The following LAMA5 variants were observed in gnomAD, a reference collection of about 807,000 sequenced individuals.
LAMA5 encodes laminin subunit alpha 5.
A neutral mutation model predicts 433.4 loss-of-function variants in LAMA5; 260 were observed. The observed-to-expected ratio is 0.60, with a 90% CI of 0.54 to 0.66. The LOEUF (loss-of-function observed/expected upper bound fraction) is 0.66. LAMA5 is among the 30% of genes least tolerant of loss of function. The pLI is 0.00. For synonymous variants in LAMA5, 2,620 were observed against 2,226.6 expected (o/e 1.18, Z -4.97); for missense variants, 5,378 against 5,258.5 (o/e 1.02, Z -0.70).
At chr20:62,364,219 A>G (rs944232744) in intron 1 of LAMA5, among the ~76,000 whole-genome samples, 1 of 152,202 alleles carries the variant, frequency 6.6e-6, no homozygotes, top group South Asian at 2.1e-4. Context: ...CAAGAGCTCA[A>G]TGACAGCACG....
Position 62,333,455 on chromosome 20 carries a change from T to C in LAMA5, c.3048A>G (p.Ala1016=), listed in dbSNP as rs753610896. The C allele has an allele frequency of 6.2e-7, 1 of 1,612,732 alleles. No individual in the cohort carries two copies. The highest frequency in any genetic ancestry group is 8.5e-7 in the Non-Finnish European group (1 of 1,179,900). Residue 1016 remains alanine, a synonymous_variant, in exon 25 of 80, where the codon GCA becomes GCG. Coordinates refer to ENST00000252999, the MANE Select transcript of LAMA5 (RefSeq NM_005560.6). ...LLDYVVLLPS[A]YYEAALLQLR... ...GCTGCAGGAGCGCCGCCTCGTAGTA[T>C]GCGCTAGGCAGCAGAACCACGTAGT...
intron 2 of LAMA5, among the ~76,000 whole-genome samples, chr20:62,357,334 C>G (rs1264046072): frequency 6.6e-6 from 1 of 152,220 alleles, no homozygotes; most frequent in African/African-American, 2.4e-5. Context: ...CTCCTAGCCC[C>G]AGGCGTCCGG....
Position 62,312,452 on chromosome 20 carries a change from A to C in LAMA5, c.9308T>G (p.Leu3103Arg). ...CACGCCTGTCGTGTTCAGCCGCTTG[A>C]GGTCCACATACTTGCCCAGGGCCTT... is the stretch of plus-strand genomic sequence containing the variant. ...GIKALGKYVD[L>R]KRLNTTGVSA... The change falls in exon 68 of 80, where the codon CTC (leucine) becomes CGC (arginine). Residue 3103 changes from leucine (L) to arginine (R), a missense_variant. Transcript: ENST00000252999. The C allele has an allele frequency of 6.3e-7, 1 of 1,598,200 alleles. No individual in the cohort carries two copies. Among genetic ancestry groups the C allele is most frequent in the Non-Finnish European group, 8.5e-7 (1 of 1,179,576 alleles).
In LAMA5 at chr20:62,314,685, T is replaced by C. The variant is rs780241458; in HGVS notation, c.8237A>G (p.Gln2746Arg). ...GGCAAGATCCCGTGGGGTGCGCAGC[T>C]GCACCCCTGAGCGCCCGTTGAACTT... ...PMKFNGRSGV[Q>R]LRTPRDLADL... Residue 2746 changes from glutamine to arginine, a missense_variant, in exon 61 of 80, where the codon CAG (glutamine) becomes CGG (arginine). By Grantham distance (43) the Gln-to-Arg change is conservative. Coordinates refer to ENST00000252999, the MANE Select transcript of LAMA5 (RefSeq NM_005560.6). 3 of 1,612,692 alleles carry C rather than the reference T, an allele frequency of 1.9e-6. No homozygotes were observed. In the South Asian group the frequency reaches 3.3e-5, roughly 18 times the overall value.
In LAMA5 at chr20:62,319,766, T is replaced by C. The variant is rs981626643; in HGVS notation, c.6789A>G (p.Gln2263=). The part of the protein sequence containing the change: ...QAVGTRDQAS[Q]LLAGTEATLG... ...GTGTGGCCTCGGTGCCGGCCAGCAA[T>C]TGGCTCGCCTGGTCTCGGGTCCCCA... The change falls in exon 51 of 80, where the codon CAA becomes CAG. Residue 2263 remains glutamine, a synonymous_variant. Transcript: ENST00000252999. 8 of 1,548,118 alleles carry C rather than the reference T, an allele frequency of 5.2e-6. 1 individual carries two copies. In the Admixed American group the frequency reaches 1.4e-4, roughly 26 times the overall value.
In LAMA5 at chr20:62,323,471, G is replaced by T. The variant is rs996035040; in HGVS notation, c.6049C>A (p.Pro2017Thr). The part of the protein sequence containing the change: ...APGFYGNALL[P>T]GNCTRCDCTP... ...CGACGCCTACGGGTGCAGTTGCCGG[G>T]CAGCAGGGCGTTGCCGTAGAAGCCG... Residue 2017 changes from proline to threonine, a missense_variant, in exon 45 of 80, where the codon CCC becomes ACC. Transcript: ENST00000252999. The T allele has an allele frequency of 1.9e-6, 3 of 1,542,850 alleles. No homozygotes were observed. The highest frequency in any genetic ancestry group is 4.0e-5 in the Admixed American group (2 of 50,626).
At position 62,309,362 on chromosome 20, in the gene LAMA5, C is replaced by A; in HGVS notation, c.11062G>T (p.Gly3688Trp). Reference sequence around the variant, plus strand: ...TAGGCGGCTGGGCAGCCACTGGCCCCCACTGCCCCGTGGACCTCCACAGAG... The same window carrying A: ...TAGGCGGCTGGGCAGCCACTGGCCCACACTGCCCCGTGGACCTCCACAGAG... ...TRSVEVHGAV[G>W]ASGCPAA is the part of the protein sequence containing the mutation. The change falls in exon 80 of 80, where the codon GGG becomes TGG. Residue 3688 changes from glycine to tryptophan, a missense_variant. By Grantham distance (184) the Gly-to-Trp change is radical. Coordinates refer to ENST00000252999, the MANE Select transcript of LAMA5 (RefSeq NM_005560.6). 1 of 1,590,668 alleles carries A rather than the reference C, an allele frequency of 6.3e-7. No homozygotes were observed. Among genetic ancestry groups the A allele is most frequent in the Non-Finnish European group, 8.5e-7 (1 of 1,176,762 alleles).
At position 62,311,936 on chromosome 20, in the gene LAMA5, A is replaced by G. The variant is rs750394896; in HGVS notation, c.9619T>C (p.Tyr3207His). The G allele has an allele frequency of 6.2e-7, 1 of 1,611,418 alleles. No homozygotes were observed. The highest frequency in any genetic ancestry group is 2.2e-5 in the East Asian group (1 of 44,812). The part of the protein sequence containing the change: ...ADGAPHYVAF[Y>H]SNATGVWLYV... The stretch of plus-strand genomic sequence containing the variant: ...CAGGCTCACCCCGTGGCATTGCTGT[A>G]GAAGGCGACGTAATGGGGGGCACCA... Residue 3207 changes from tyrosine to histidine, a missense_variant, in exon 70 of 80, where the codon TAC becomes CAC. Physicochemically the swap from Tyr to His is moderately conservative, Grantham distance 83 (BLOSUM62 2). Coordinates refer to ENST00000252999, the MANE Select transcript of LAMA5 (RefSeq NM_005560.6).
Position 62,327,418 on chromosome 20 carries a change from C to G in LAMA5, c.4939-12G>C, listed in dbSNP as rs955799722. ...TCCATATCCACGAACTGTGGGCACA[C>G]ACGTGTGGCTGCACACGGGTGGATG... is the stretch of plus-strand genomic sequence containing the variant. On this transcript the variant is annotated splice_polypyrimidine_tract_variant and intron_variant, in intron 37 of 79. Transcript: ENST00000252999. 10 of 1,588,296 alleles carry G rather than the reference C, an allele frequency of 6.3e-6. No homozygotes were observed. In the African/African-American group the frequency reaches 9.4e-5, roughly 15 times the overall value.
chr20:62,317,338 C>T lies in LAMA5; in HGVS notation c.7511+7G>A. On this transcript the variant is annotated splice_region_variant and intron_variant, in intron 55 of 79. Coordinates refer to ENST00000252999, the MANE Select transcript of LAMA5 (RefSeq NM_005560.6). ...GGCCCAGGGCCCCTCCTCTCCTGGC[C>T]ACCCACCTGGACAGATTGAGTGCCA... The T allele has an allele frequency of 6.2e-7, 1 of 1,602,472 alleles. No homozygotes were observed. Among genetic ancestry groups the T allele is most frequent in the South Asian group, 1.1e-5 (1 of 90,164 alleles).
chr20:62,323,308 T>A, intron 45 of LAMA5, 148 bp downstream of exon 45: 1 of 695,334 alleles, frequency 1.4e-6, no homozygotes, highest in East Asian at 2.8e-5. Flanking sequence ...GAGAAAGGGT[T>A]GACCATGAAC....
intron 11 of LAMA5, among the ~76,000 whole-genome samples, chr20:62,340,318 T>G (rs918783268): frequency 3.4e-5 from 5 of 145,548 alleles, no homozygotes; most frequent in African/African-American, 1.0e-4. Context: ...TTTTTTTTTT[T>G]TTTTTTTTTT....
In LAMA5 at chr20:62,310,848, T is replaced by G; in HGVS notation, c.10282-19A>C. ...CGGAGACCTGGGGGCAGGAGATGGG[T>G]CAGGGTAGGGCTGCCAGGCCCTGCC... On this transcript the variant is annotated intron_variant, in intron 74 of 79. Transcript: ENST00000252999. 1.3e-6 allele frequency: 2 copies of G among 1,586,884 alleles called. No individual in the cohort carries two copies. Among genetic ancestry groups the G allele is most frequent in the Non-Finnish European group, 1.7e-6 (2 of 1,167,064 alleles).
Position 62,310,052 on chromosome 20 carries a change from C to T in LAMA5, c.10764G>A (p.Gly3588=), listed in dbSNP as rs773611311. The change falls in exon 78 of 80, where the codon GGG becomes GGA. Residue 3588 remains glycine, a synonymous_variant. Coordinates refer to ENST00000252999, the MANE Select transcript of LAMA5 (RefSeq NM_005560.6). ...GGCGGGTCACTGACGTGGAGAACTC[C>T]CCTGCTCCGTCATCCGCCCGCAGCA... is the stretch of plus-strand genomic sequence containing the variant. ...QVLLRADDGA[G]EFSTSVTRPS... 3.0e-5 allele frequency: 49 copies of T among 1,611,274 alleles called. No individual in the cohort carries two copies. Among genetic ancestry groups the T allele is most frequent in the African/African-American group, 4.0e-5 (3 of 74,920 alleles).
At chr20:62,349,971 T>G (rs1601404002) in intron 6 of LAMA5, among the ~76,000 whole-genome samples, 1 of 150,012 alleles carries the variant, frequency 6.7e-6, no homozygotes, top group Non-Finnish European at 1.5e-5. Context: ...GGGTGGCGGG[T>G]AAAGGGTGCA....
Position 62,312,762 on chromosome 20 carries a change from C to G in LAMA5, c.9097G>C (p.Gly3033Arg), listed in dbSNP as rs200518890. Residue 3033 changes from glycine to arginine, a missense_variant, in exon 67 of 80, where the codon GGG becomes CGG. By Grantham distance (125) the Gly-to-Arg change is moderately radical. Transcript: ENST00000252999. Reference sequence around the variant, plus strand: ...ACCAGCACACGCTTGCGGCTGCCCCCCAGCAGGAACACCTGGATCTACAGG... The same window carrying G: ...ACCAGCACACGCTTGCGGCTGCCCCGCAGCAGGAACACCTGGATCTACAGG... ...ASKAIQVFLL[G>R]GSRKRVLVRV... is the part of the protein sequence containing the mutation. 235 of 1,589,918 alleles carry G rather than the reference C, an allele frequency of 1.5e-4. 1 individual carries two copies. The East Asian group carries it at 5.5e-3, about 37-fold the overall frequency.
intron 30 of LAMA5, 23 bp from the exon 31 acceptor site, chr20:62,330,637 G>A: frequency 6.3e-7 from 1 of 1,580,874 alleles, no homozygotes; most frequent in Non-Finnish European, 8.6e-7. Flanking sequence ...GCCCTAGTGA[G>A]CAGGCTGAGC....
At chr20:62,319,054 C>T in intron 51 of LAMA5, 41 bp from the exon 52 acceptor site, 1 of 1,480,362 alleles carries the variant, frequency 6.8e-7, no homozygotes, top group Non-Finnish European at 9.0e-7. Context: ...GCCGCCCGTA[C>T]TAGTGCACCT....
chr20:62,358,202 GC>G (rs1985526602), intron 2 of LAMA5, among the ~76,000 whole-genome samples: 1 of 152,162 alleles, frequency 6.6e-6, no homozygotes, highest in African/African-American at 2.4e-5. Flanking sequence ...GAGAGGAGCG[GC>G]CCCATCCCCA....
Sources: gnomAD v4.1 joint callset for allele counts (sites outside exome capture counted in the v4.1 genomes callset) on GRCh38, gnomAD v4.1.1 for gene constraint, MANE v1.5 for transcripts, NCBI Gene and HGNC (gene_info 2026-07-23, HGNC 2026-07-21) for gene names.